PALM2AKAP2: variants seen among roughly 807,000 people sequenced by gnomAD.
PALM2AKAP2 encodes PALM2 and AKAP2 fusion.
A neutral mutation model predicts 71.5 loss-of-function variants in PALM2AKAP2; 37 were observed. The ratio of observed to expected loss-of-function variants is 0.52; its 90% confidence interval spans 0.40 to 0.68. The LOEUF is 0.68. Among genes scored for constraint, PALM2AKAP2 ranks in the 30% least tolerant of loss-of-function variants. The pLI is 0.00. For synonymous variants in PALM2AKAP2, 468 were observed against 478.8 expected, an observed-to-expected ratio of 0.98 and a Z score of 0.29; for missense variants, 1,224 against 1,191.8, an observed-to-expected ratio of 1.03 and a Z score of -0.40.
intron 1 of PALM2AKAP2, among the ~76,000 whole-genome samples, chr9:109,791,564 T>A (rs1415838096): frequency 6.6e-6 from 1 of 152,194 alleles, no homozygotes; most frequent in Admixed American, 6.5e-5. Flanking sequence ...TACTTCATCA[T>A]GTAGCTTTTC....
At chr9:109,717,481 C>T (rs950394888) in intron 1 of PALM2AKAP2, among the ~76,000 whole-genome samples, 27 of 152,120 alleles carry the variant, frequency 1.8e-4, no homozygotes, top group Non-Finnish European at 1.0e-4. Context: ...GGCAATGTAC[C>T]AGACACCACA....
intron 1 of PALM2AKAP2, among the ~76,000 whole-genome samples, chr9:109,854,134 C>CT (rs1265119140): frequency 6.6e-6 from 1 of 152,172 alleles, no homozygotes; most frequent in African/African-American, 2.4e-5. Flanking sequence ...GAAGCAGTAC[C>CT]TTTCCCTTGT....
intron 1 of PALM2AKAP2, among the ~76,000 whole-genome samples, chr9:109,806,405 G>A (rs969106294): frequency 6.6e-6 from 1 of 152,186 alleles, no homozygotes; most frequent in Non-Finnish European, 1.5e-5. Flanking sequence ...ATTTGTGGAT[G>A]CTGAGAATGT....
chr9:109,920,008 A>G (rs951429552), intron 3 of PALM2AKAP2, among the ~76,000 whole-genome samples: 1 of 152,168 alleles, frequency 6.6e-6, no homozygotes, highest in Admixed American at 6.5e-5. Flanking sequence ...GCCAGGGCAC[A>G]CTGTGCCTAT....
chr9:110,069,441 G>A (rs1390321483), intron 1 of PALM2AKAP2, among the ~76,000 whole-genome samples: 1 of 152,178 alleles, frequency 6.6e-6, no homozygotes, highest in Non-Finnish European at 1.5e-5. Context: ...TTGATCATGA[G>A]ACAGGTTCAT....
chr9:110,064,930 T>A (rs191026344), intron 1 of PALM2AKAP2, among the ~76,000 whole-genome samples: 1 of 152,206 alleles, frequency 6.6e-6, no homozygotes, highest in Non-Finnish European at 1.5e-5. Flanking sequence ...AGACATACTT[T>A]CTTGGGAGTT....
intron 1 of PALM2AKAP2, among the ~76,000 whole-genome samples, chr9:109,850,942 C>T (rs1828992572): frequency 6.6e-6 from 1 of 151,982 alleles, no homozygotes; most frequent in African/African-American, 2.4e-5. Context: ...CTTTAGGAGG[C>T]CGAGGCGGGC....
intron 3 of PALM2AKAP2, among the ~76,000 whole-genome samples, chr9:109,899,251 C>G (rs1016752586): frequency 6.6e-6 from 1 of 152,196 alleles, no homozygotes. Flanking sequence ...AAAAACATCA[C>G]CATGCACCCA....
chr9:110,162,882 TA>T (rs1836637085), intron 3 of PALM2AKAP2, among the ~76,000 whole-genome samples: 2 of 152,188 alleles, frequency 1.3e-5, no homozygotes, highest in African/African-American at 4.8e-5. Context: ...TATTTTTTTA[TA>T]TTTTTTTTGT....
chr9:109,704,780 CT>C (rs568651490), intron 1 of PALM2AKAP2, among the ~76,000 whole-genome samples: 32 of 152,342 alleles, frequency 2.1e-4, no homozygotes, highest in African/African-American at 6.5e-4. Flanking sequence ...AAATACTCAG[CT>C]CCCCATGAGC....
chr9:109,844,561 A>G (rs1218607123), intron 1 of PALM2AKAP2, among the ~76,000 whole-genome samples: 1 of 152,224 alleles, frequency 6.6e-6, no homozygotes, highest in Non-Finnish European at 1.5e-5. Flanking sequence ...GAATAGATGG[A>G]GAGTTTCTGC....
intron 6 of PALM2AKAP2, among the ~76,000 whole-genome samples, chr9:109,950,477 C>T (rs950766220): frequency 6.6e-6 from 1 of 151,954 alleles, no homozygotes; most frequent in South Asian, 2.1e-4. Flanking sequence ...CCTTCCCTAT[C>T]ACACTCAGTT....
chr9:109,961,829 TC>T (rs1371990759), intron 6 of PALM2AKAP2, among the ~76,000 whole-genome samples: 1 of 152,230 alleles, frequency 6.6e-6, no homozygotes, highest in African/African-American at 2.4e-5. Flanking sequence ...TTCCTTTTTT[TC>T]TTCACCATTT....
At chr9:110,048,718 G>T in exon 1 of PALM2AKAP2, 1 of 1,548,050 alleles carries the variant, frequency 6.5e-7, no homozygotes, top group Non-Finnish European at 8.7e-7. Context: ...GCCCCAGCCC[G>T]GGGCTGCCGC....
chr9:109,784,880 G>T (rs771409059), intron 1 of PALM2AKAP2, among the ~76,000 whole-genome samples: 1 of 151,908 alleles, frequency 6.6e-6, no homozygotes, highest in Non-Finnish European at 1.5e-5. Context: ...GGGAAAGCTT[G>T]AGACAAGCCA....
At chr9:109,751,698 T>C (rs1388613747) in intron 1 of PALM2AKAP2, among the ~76,000 whole-genome samples, 1 of 152,192 alleles carries the variant, frequency 6.6e-6, no homozygotes, top group Non-Finnish European at 1.5e-5. Context: ...ACCCATCTCA[T>C]AGAGCAAGAT....
intron 1 of PALM2AKAP2, among the ~76,000 whole-genome samples, chr9:109,818,798 A>G (rs1450775393): frequency 6.6e-6 from 1 of 152,186 alleles, no homozygotes. Context: ...GTGAACACCT[A>G]CATTGACAGG....
chr9:110,017,101 G>A (rs972660514), intron 7 of PALM2AKAP2, among the ~76,000 whole-genome samples: 6 of 152,136 alleles, frequency 3.9e-5, no homozygotes, highest in Admixed American at 6.5e-5. Context: ...GGATGGTCTC[G>A]ATCTCCTGAC....
intron 1 of PALM2AKAP2, among the ~76,000 whole-genome samples, chr9:109,735,635 C>T (rs1475169917): frequency 6.6e-6 from 1 of 152,146 alleles, no homozygotes; most frequent in African/African-American, 2.4e-5. Context: ...TAAGAAGTTT[C>T]CTCTTTTCAT....
Sources: allele counts gnomAD v4.1 joint callset (sites outside exome capture counted in the v4.1 genomes callset), GRCh38; gene constraint gnomAD v4.1.1; transcripts MANE v1.5; gene names NCBI Gene and HGNC (gene_info 2026-07-23, HGNC 2026-07-21).